Variants in AASS observed in about 807,000 individuals in gnomAD.
AASS encodes the protein alpha-aminoadipic semialdehyde synthase, mitochondrial.
Under a neutral mutation model 105.4 loss-of-function variants are expected in AASS, and 86 were observed. The observed-to-expected ratio is 0.82, with a 90% CI of 0.69 to 0.98. The LOEUF (loss-of-function observed/expected upper bound fraction) is 0.98. Ranked by LOEUF, AASS falls within the 50% of genes least tolerant of loss-of-function variation. The pLI is 0.00. For synonymous variants in AASS, 381 were observed against 394.8 expected (o/e 0.96, Z 0.41); for missense variants, 1,048 against 1,143.2 (o/e 0.92, Z 1.20).
chr7:122,081,669 G>A, intron 19 of AASS, 74 bp from the exon 20 acceptor site: 1 of 1,005,222 alleles, frequency 9.9e-7, no homozygotes, highest in East Asian at 2.5e-5. Context: ...TTTTTGAAAA[G>A]AGGGATATAT....
At position 122,098,434 on chromosome 7, in the gene AASS, C is replaced by T. The variant is rs753666992; in HGVS notation, c.1655+16G>A. The T allele has an allele frequency of 6.2e-7, 1 of 1,610,968 alleles. No homozygotes were observed. Among genetic ancestry groups the T allele is most frequent in the Non-Finnish European group, 8.5e-7 (1 of 1,178,296 alleles). ...AACAACAAAAATATGAAACTCATTT[C>T]TTGCCAGATACTGACCTGATGACAA... On this transcript the variant is annotated intron_variant, in intron 15 of 23. Coordinates refer to ENST00000417368, the MANE Select transcript of AASS (RefSeq NM_005763.4).
chr7:122,111,124 A>C (rs1794909875), intron 11 of AASS, among the ~76,000 whole-genome samples: 1 of 152,180 alleles, frequency 6.6e-6, no homozygotes, highest in South Asian at 2.1e-4. Context: ...ATAAAGTTCA[A>C]CCACAAATTG....
At chr7:122,126,271 A>G (rs1308994603) in intron 4 of AASS, 104 bp downstream of exon 4, 1 of 990,088 alleles carries the variant, frequency 1.0e-6, no homozygotes, top group Non-Finnish European at 1.6e-6. Flanking sequence ...AATTTTTTCC[A>G]TGGAAATAAA....
intron 3 of AASS, among the ~76,000 whole-genome samples, chr7:122,127,617 T>G (rs1255792284): frequency 6.6e-6 from 1 of 152,164 alleles, no homozygotes. Flanking sequence ...TACTACAAAT[T>G]AACTGTCACC....
chr7:122,116,960 A>G lies in AASS; in HGVS notation c.688-3T>C, dbSNP rs914879020. The stretch of plus-strand genomic sequence containing the variant: ...TCATTAAAGATTGCTTGGGCTCCCT[A>G]CAAATAACACATGAGTAAAAATCCA... On this transcript the variant is annotated splice_region_variant and splice_polypyrimidine_tract_variant and intron_variant, in intron 6 of 23. Coordinates refer to ENST00000417368, the MANE Select transcript of AASS (RefSeq NM_005763.4). 2 of 1,612,682 alleles carry G rather than the reference A, an allele frequency of 1.2e-6. No homozygotes were observed. The highest frequency in any genetic ancestry group is 1.7e-6 in the Non-Finnish European group (2 of 1,179,070).
intron 5 of AASS, 44 bp from the exon 6 acceptor site, chr7:122,118,497 C>T: frequency 2.5e-6 from 4 of 1,614,066 alleles, no homozygotes; most frequent in Non-Finnish European, 3.4e-6. Flanking sequence ...ACCAGCTCAG[C>T]ATTTTTTTTA....
At chr7:122,115,590 A>G (rs965519651) in intron 8 of AASS, among the ~76,000 whole-genome samples, 1 of 152,138 alleles carries the variant, frequency 6.6e-6, no homozygotes, top group African/African-American at 2.4e-5. Flanking sequence ...TGCTACCTCA[A>G]CTTCCCTGGG....
chr7:122,133,501 T>C lies in AASS; in HGVS notation c.210+16A>G, dbSNP rs765352588. The C allele has an allele frequency of 1.9e-6, 3 of 1,613,602 alleles. No homozygotes were observed. In the South Asian group the frequency reaches 3.3e-5, roughly 18 times the overall value. ...GGTTCATTTTATTCTCACATAAAAA[T>C]ATTGGAAATACTCACCTTATCATGA... On this transcript the variant is annotated intron_variant, in intron 2 of 23. Transcript: ENST00000417368.
intron 21 of AASS, chr7:122,079,370 T>A (rs1024222192): frequency 1.4e-5 from 19 of 1,375,606 alleles, no homozygotes; most frequent in Non-Finnish European, 1.6e-5. Flanking sequence ...GGGAACTGAG[T>A]GGTAAAGTGT....
At chr7:122,081,970 T>C (rs954555199) in intron 19 of AASS, among the ~76,000 whole-genome samples, 6 of 152,158 alleles carry the variant, frequency 3.9e-5, no homozygotes, top group Admixed American at 1.3e-4. Context: ...TTTTCTTATG[T>C]GTTATATGCT....
chr7:122,120,454 T>C (rs994654790), intron 4 of AASS, among the ~76,000 whole-genome samples: 2 of 152,088 alleles, frequency 1.3e-5, no homozygotes, highest in African/African-American at 4.8e-5. Context: ...TCTCTTTTTC[T>C]ATCAGTCTAC....
chr7:122,088,254 A>T (rs902692672), intron 18 of AASS, among the ~76,000 whole-genome samples: 17 of 152,124 alleles, frequency 1.1e-4, no homozygotes, highest in African/African-American at 4.1e-4. Flanking sequence ...AGAGAGAATC[A>T]CTGTTATATT....
intron 11 of AASS, among the ~76,000 whole-genome samples, chr7:122,112,489 A>G (rs546260961): frequency 7.1e-4 from 108 of 152,352 alleles, no homozygotes; most frequent in African/African-American, 2.3e-3. Context: ...GGGAAGATAT[A>G]GATGAAAAGA....
At position 122,093,075 on chromosome 7, in the gene AASS, G is replaced by A; in HGVS notation, c.1739C>T (p.Thr580Ile). Residue 580 changes from threonine to isoleucine, a missense_variant, in exon 16 of 24, where the codon ACA (threonine) becomes ATA (isoleucine). Transcript: ENST00000417368. ...CTTTTCCAATTCTTTTAGTGCTGGTGTGATGTAGCTTGCAGTGACCATGTT... is the reference window on the plus strand; with the variant it reads ...CTTTTCCAATTCTTTTAGTGCTGGTATGATGTAGCTTGCAGTGACCATGTT... ...KVNMVTASYI[T>I]PALKELEKSV... 6.2e-7 allele frequency: 1 copy of A among 1,613,994 alleles called. No homozygotes were observed. The highest frequency in any genetic ancestry group is 8.5e-7 in the Non-Finnish European group (1 of 1,179,884).
chr7:122,141,658 C>CAA lies in AASS; in HGVS notation c.-16+2501_-16+2502dup, dbSNP rs67469054. 4.4e-4 allele frequency among the ~76,000 whole-genome samples: 42 copies of CAA among 94,628 alleles called. 1 individual carries two copies. The highest frequency in any genetic ancestry group is 7.6e-4 in the South Asian group (2 of 2,628). The allele number at this position is 94,628 out of a possible 152,430, so 62.1% of individuals were successfully genotyped here. A position where few individuals can be genotyped will look rare whatever the true frequency, so the allele number is the denominator to read the frequency against. On this transcript the variant is annotated intron_variant, in intron 1 of 23. Coordinates refer to ENST00000417368, the MANE Select transcript of AASS (RefSeq NM_005763.4). ...AGAGACTCACATCCCCCTAACCCTG[C>CAA]AAAAAAAAAAAAAAAAAAAAAAAAA...
In AASS at chr7:122,076,326, C is replaced by A. The variant is rs573555987; in HGVS notation, c.*163G>T. 1 of 617,626 alleles carries A rather than the reference C, an allele frequency of 1.6e-6. No homozygotes were observed. Among genetic ancestry groups the A allele is most frequent in the East Asian group, 2.8e-5 (1 of 36,226 alleles). The allele number at this position is 617,626 out of a possible 1,614,324, so 38.3% of individuals were successfully genotyped here. ...AGTGGCTTGCATCTCCTGTTCCAAA[C>A]ATTTCCATATTAAAATAAAGATTTA... On this transcript the variant is annotated 3_prime_UTR_variant, in exon 24 of 24. Coordinates refer to ENST00000417368, the MANE Select transcript of AASS (RefSeq NM_005763.4).
At chr7:122,083,980 C>T (rs1049752119) in intron 19 of AASS, among the ~76,000 whole-genome samples, 7 of 152,188 alleles carry the variant, frequency 4.6e-5, no homozygotes, top group Middle Eastern at 3.4e-3. Flanking sequence ...GGCTCCCACT[C>T]GCACACCTTG....
chr7:122,121,767 C>T (rs1795451222), intron 4 of AASS, among the ~76,000 whole-genome samples: 2 of 152,016 alleles, frequency 1.3e-5, no homozygotes, highest in Admixed American at 1.3e-4. Flanking sequence ...TAATTCAATC[C>T]ATGTTTTCAA....
intron 1 of AASS, among the ~76,000 whole-genome samples, chr7:122,134,572 C>A (rs1218176751): frequency 3.3e-5 from 5 of 152,006 alleles, no homozygotes; most frequent in African/African-American, 9.7e-5. Context: ...CAGGGGTGAT[C>A]CACCATGTCA....
Sources: gnomAD v4.1 joint callset for allele counts (sites outside exome capture counted in the v4.1 genomes callset) on GRCh38, gnomAD v4.1.1 for gene constraint, MANE v1.5 for transcripts, NCBI Gene and HGNC (gene_info 2026-07-23, HGNC 2026-07-21) for gene names.